CTXND1: variants seen among roughly 807,000 people sequenced by gnomAD.
The protein encoded by CTXND1 is cortexin domain containing 1.
At chr15:80,206,095 C>A (rs1893145031) in intron 1 of CTXND1, among the ~76,000 whole-genome samples, 1 of 152,168 alleles carries the variant, frequency 6.6e-6, no homozygotes, top group Non-Finnish European at 1.5e-5. Context: ...CGTTTTGCTG[C>A]ATTTTAAAAA....
Position 80,195,621 on chromosome 15 carries a change from G to A in CTXND1, c.*6149C>T, listed in dbSNP as rs1272548816. ...GGAATCACATGGGCAAGAGAGAAAA[G>A]AGGACCAAACACCCCCTTCATAACA... is the stretch of plus-strand genomic sequence containing the variant. On this transcript the variant is annotated 3_prime_UTR_variant, in exon 3 of 3. Transcript: ENST00000560778. The A allele has an allele frequency of 2.0e-5, 3 of 152,186 alleles. No homozygotes were observed. The highest frequency in any genetic ancestry group is 4.4e-5 in the Non-Finnish European group (3 of 68,046). 9.4% of individuals were successfully genotyped at this position (152,186 alleles called of 1,614,324 possible).
At chr15:80,246,561 G>A (rs1445241893) in intron 1 of CTXND1, among the ~76,000 whole-genome samples, 3 of 152,248 alleles carry the variant, frequency 2.0e-5, no homozygotes, top group South Asian at 4.1e-4. Context: ...CGTTGTGGGA[G>A]TTAATGTGTG....
In CTXND1 at chr15:80,212,098, T is replaced by C. The variant is rs373396971; in HGVS notation, c.-217-8358A>G. On this transcript the variant is annotated intron_variant, in intron 1 of 2. Coordinates refer to ENST00000560778, the MANE Select transcript of CTXND1 (RefSeq NM_001352888.2). ...GGAGTATGAAAGTCTAGCTCACTAG[T>C]CCTGAGGGAGGAAAAACTCTGTTGT... is the stretch of plus-strand genomic sequence containing the variant. Among the ~76,000 whole-genome samples, 5 of 152,262 alleles carry C rather than the reference T, an allele frequency of 3.3e-5. No homozygotes were observed. The East Asian group carries it at 5.8e-4, about 18-fold the overall frequency.
intron 1 of CTXND1, among the ~76,000 whole-genome samples, chr15:80,233,610 G>A (rs1253312505): frequency 6.6e-6 from 1 of 152,140 alleles, no homozygotes; most frequent in Non-Finnish European, 1.5e-5. Context: ...CCTGAACAAA[G>A]TGAGCTCAGA....
At chr15:80,222,467 A>G (rs1176602418) in intron 1 of CTXND1, among the ~76,000 whole-genome samples, 1 of 152,140 alleles carries the variant, frequency 6.6e-6, no homozygotes, top group East Asian at 1.9e-4. Flanking sequence ...ATAACCAACA[A>G]ATGTAACCCT....
At chr15:80,219,388 A>G (rs1893289070) in intron 1 of CTXND1, among the ~76,000 whole-genome samples, 1 of 152,172 alleles carries the variant, frequency 6.6e-6, no homozygotes, top group Admixed American at 6.5e-5. Flanking sequence ...ACTACTGCAT[A>G]GTATTCTGTG....
intron 1 of CTXND1, among the ~76,000 whole-genome samples, chr15:80,231,553 G>T (rs1893430858): frequency 6.6e-6 from 1 of 152,144 alleles, no homozygotes; most frequent in African/African-American, 2.4e-5. Flanking sequence ...AATAAAGAAT[G>T]AAATAAGGGA....
At chr15:80,210,183 G>A (rs1893190526) in intron 1 of CTXND1, among the ~76,000 whole-genome samples, 1 of 152,158 alleles carries the variant, frequency 6.6e-6, no homozygotes, top group African/African-American at 2.4e-5. Context: ...AGATCCACCT[G>A]TTCGCCACCT....
chr15:80,218,636 C>T (rs1295386948), intron 1 of CTXND1, among the ~76,000 whole-genome samples: 3 of 151,086 alleles, frequency 2.0e-5, no homozygotes, highest in Admixed American at 6.6e-5. Context: ...ATATATTTTC[C>T]GTTGATATTT....
At chr15:80,250,023 T>C (rs1211164388) in intron 1 of CTXND1, among the ~76,000 whole-genome samples, 1 of 152,238 alleles carries the variant, frequency 6.6e-6, no homozygotes. Flanking sequence ...CTTTCTATTA[T>C]GGCAAGACAG....
At chr15:80,226,378 G>GT (rs146719489) in intron 1 of CTXND1, among the ~76,000 whole-genome samples, 2,495 of 152,072 alleles carry the variant, frequency 0.016, 85 homozygotes, top group African/African-American at 0.057. Flanking sequence ...TCCAATGAAG[G>GT]TAAAAAAAAA....
chr15:80,232,309 T>C (rs894712756), intron 1 of CTXND1, among the ~76,000 whole-genome samples: 4 of 152,188 alleles, frequency 2.6e-5, no homozygotes, highest in Admixed American at 6.5e-5. Flanking sequence ...CAGAGTCTCA[T>C]GTATTTAGAG....
At chr15:80,232,740 A>G (rs1389495247) in intron 1 of CTXND1, among the ~76,000 whole-genome samples, 1 of 152,178 alleles carries the variant, frequency 6.6e-6, no homozygotes, top group Non-Finnish European at 1.5e-5. Context: ...CAAGACAGTC[A>G]GGTAGACTCA....
chr15:80,217,538 T>G (rs897071592), intron 1 of CTXND1, among the ~76,000 whole-genome samples: 5 of 150,588 alleles, frequency 3.3e-5, no homozygotes, highest in African/African-American at 9.8e-5. Flanking sequence ...ATTTATTTAT[T>G]TATTTATTTA....
chr15:80,234,107 G>A (rs1185298982), intron 1 of CTXND1, among the ~76,000 whole-genome samples: 2 of 152,162 alleles, frequency 1.3e-5, no homozygotes, highest in East Asian at 3.9e-4. Flanking sequence ...ACATTGCTTT[G>A]GAGGACTAGG....
intron 1 of CTXND1, among the ~76,000 whole-genome samples, chr15:80,247,646 C>A (rs552182902): frequency 6.6e-6 from 1 of 152,078 alleles, no homozygotes; most frequent in Non-Finnish European, 1.5e-5. Flanking sequence ...AACTGCTGAA[C>A]AAGAAGACAA....
chr15:80,240,979 C>G (rs1893559007), intron 1 of CTXND1, among the ~76,000 whole-genome samples: 1 of 152,208 alleles, frequency 6.6e-6, no homozygotes, highest in South Asian at 2.1e-4. Flanking sequence ...CAGAGACAAG[C>G]TCTACTGCAG....
chr15:80,242,971 T>TTTGGAG (rs1197175019), intron 1 of CTXND1, among the ~76,000 whole-genome samples: 5 of 152,224 alleles, frequency 3.3e-5, no homozygotes, highest in Non-Finnish European at 7.3e-5. Context: ...CCAAACTTTG[T>TTTGGAG]TGCACAGGCA....
intron 1 of CTXND1, among the ~76,000 whole-genome samples, chr15:80,236,040 T>C (rs911528281): frequency 4.7e-5 from 7 of 147,796 alleles, no homozygotes; most frequent in African/African-American, 1.8e-4. Flanking sequence ...GTTCAAACTC[T>C]TAGCACCACA....
Sources: gnomAD v4.1 joint callset for allele counts (sites outside exome capture counted in the v4.1 genomes callset) on GRCh38, gnomAD v4.1.1 for gene constraint, MANE v1.5 for transcripts, NCBI Gene and HGNC (gene_info 2026-07-23, HGNC 2026-07-21) for gene names.